The following TUBA4B variants were observed in gnomAD, a reference collection of about 807,000 sequenced individuals.
TUBA4B encodes tubulin-like protein alpha-4B.
A neutral mutation model predicts 18.4 loss-of-function variants in TUBA4B; 13 were observed. The observed-to-expected ratio is 0.71, with a 90% CI of 0.46 to 1.12. The LOEUF (loss-of-function observed/expected upper bound fraction) is 1.12. Among genes scored for constraint, TUBA4B ranks in the 50% most tolerant of loss-of-function variants. The probability of loss-of-function intolerance (pLI) is 0.00; values close to 1 mark genes in which losing one functional copy is unlikely to be tolerated. For synonymous variants in TUBA4B, 101 were observed against 99.1 expected, an observed-to-expected ratio of 1.02 and a Z score of -0.11; for missense variants, 244 against 250.0, an observed-to-expected ratio of 0.98 and a Z score of 0.16.
In TUBA4B at chr2:219,257,338, GC is replaced by G. The variant is rs1258621895; in HGVS notation, c.12+3921del. ...CTACAGGTGTGAGCCACTGCGCCCA[GC>G]CTTTTTTTTTTTTTTTTTTTTTGAG... On this transcript the variant is annotated intron_variant, in intron 1 of 3. Transcript: ENST00000490341. Among the ~76,000 whole-genome samples, 38 of 112,392 alleles carry G rather than the reference GC, an allele frequency of 3.4e-4. 1 individual carries two copies. Among genetic ancestry groups the G allele is most frequent in the African/African-American group, 1.3e-3 (38 of 29,692 alleles). 73.7% of individuals were successfully genotyped at this position (112,392 alleles called of 152,430 possible). A position where few individuals can be genotyped will look rare whatever the true frequency, so the allele number is the denominator to read the frequency against.
chr2:219,271,548 C>T lies in TUBA4B; in HGVS notation c.575C>T (p.Thr192Ile). Residue 192 changes from threonine (T) to isoleucine (I), a missense_variant, in exon 4 of 4, where the codon ACA (threonine) becomes ATA (isoleucine). Coordinates refer to ENST00000490341, the MANE Select transcript of TUBA4B (RefSeq NM_001355221.1). Reference protein sequence around the residue: ...RFDGALNVDLTEFQTNLVSYL... With the variant: ...RFDGALNVDLIEFQTNLVSYL... ...GACGGGGCCCTCAATGTGGACCTGA[C>T]AGAGTTCCAGACCAACCTGGTGTCC... The T allele has an allele frequency of 1.9e-6, 3 of 1,614,206 alleles. No individual in the cohort carries two copies. Among genetic ancestry groups the T allele is most frequent in the Non-Finnish European group, 2.5e-6 (3 of 1,180,026 alleles).
At chr2:219,257,206 G>C (rs1951726366) in intron 1 of TUBA4B, among the ~76,000 whole-genome samples, 1 of 151,574 alleles carries the variant, frequency 6.6e-6, no homozygotes, top group Non-Finnish European at 1.5e-5. Context: ...ACCACTCCTG[G>C]CTAATTTTGT....
At chr2:219,253,964 G>A in intron 1 of TUBA4B, 3 of 1,061,302 alleles carry the variant, frequency 2.8e-6, no homozygotes, top group Non-Finnish European at 3.8e-6. Context: ...GGGGGGGCGG[G>A]GCCCGCGTTC....
intron 2 of TUBA4B, among the ~76,000 whole-genome samples, chr2:219,269,578 T>A (rs1434110659): frequency 1.3e-5 from 2 of 152,130 alleles, no homozygotes; most frequent in African/African-American, 4.8e-5. Flanking sequence ...TGTCCAGGCA[T>A]GATATGTTTC....
rs1951789441 is a variant in TUBA4B at position 219,266,365 on chromosome 2, C to T, written c.13-156C>T. On this transcript the variant is annotated intron_variant, in intron 1 of 3. Transcript: ENST00000490341. ...CCCCTGTTTGGGTGCAGGCCCAGAG[C>T]TTGCCTCGTACTCTGTGACCAAGTC... 9 of 593,338 alleles carry T rather than the reference C, an allele frequency of 1.5e-5. 1 individual carries two copies. In the South Asian group the frequency reaches 1.8e-4, roughly 12 times the overall value. The allele number at this position is 593,338 out of a possible 1,614,324, so 36.8% of individuals were successfully genotyped here.
chr2:219,271,607 C>T lies in TUBA4B; in HGVS notation c.634C>T (p.His212Tyr). The T allele has an allele frequency of 1.9e-6, 3 of 1,614,114 alleles. No homozygotes were observed. Among genetic ancestry groups the T allele is most frequent in the South Asian group, 1.1e-5 (1 of 91,080 alleles). Residue 212 changes from histidine (H) to tyrosine (Y), a missense_variant, in exon 4 of 4, where the codon CAC (histidine) becomes TAC (tyrosine). By Grantham distance (83) the His-to-Tyr change is moderately conservative (BLOSUM62 2). Coordinates refer to ENST00000490341, the MANE Select transcript of TUBA4B (RefSeq NM_001355221.1). ...LTSTSPWPPMHQSSLQKRYTT... is the reference protein window; with the variant it reads ...LTSTSPWPPMYQSSLQKRYTT... ...ATCCACTTCCCCCTGGCCACCTATG[C>T]ACCAGTCATCTCTGCAGAAAAGGTA... is the stretch of plus-strand genomic sequence containing the variant.
intron 1 of TUBA4B, among the ~76,000 whole-genome samples, chr2:219,256,766 T>A (rs1951722811): frequency 6.6e-6 from 1 of 152,010 alleles, no homozygotes; most frequent in Admixed American, 6.6e-5. Context: ...GGTGGGAGGA[T>A]CACTTGAGGT....
intron 1 of TUBA4B, among the ~76,000 whole-genome samples, chr2:219,257,340 CTT>C (rs768367065): frequency 2.4e-4 from 22 of 92,624 alleles, no homozygotes; most frequent in African/African-American, 7.1e-4. Flanking sequence ...TGCGCCCAGC[CTT>C]TTTTTTTTTT....
chr2:219,259,302 A>C (rs1392041963), intron 1 of TUBA4B, among the ~76,000 whole-genome samples: 1 of 149,030 alleles, frequency 6.7e-6, no homozygotes, highest in Non-Finnish European at 1.5e-5. Flanking sequence ...CTGGGCAATA[A>C]CAGCAAGACT....
chr2:219,258,742 C>G (rs1272952708), intron 1 of TUBA4B, among the ~76,000 whole-genome samples: 1 of 152,036 alleles, frequency 6.6e-6, no homozygotes, highest in South Asian at 2.1e-4. Context: ...GAAAATAATA[C>G]GACAACAATA....
chr2:219,253,521 T>C, intron 1 of TUBA4B, 102 bp downstream of exon 1: 1 of 1,028,000 alleles, frequency 9.7e-7, no homozygotes, highest in Non-Finnish European at 1.5e-6. Flanking sequence ...CGTCTTCTTT[T>C]GCCCGCGGAA....
At chr2:219,264,513 T>C (rs937179654) in intron 1 of TUBA4B, among the ~76,000 whole-genome samples, 74 of 150,282 alleles carry the variant, frequency 4.9e-4, no homozygotes, top group Non-Finnish European at 1.1e-3. Context: ...GCAATGATAG[T>C]AATATGCCAG....
intron 2 of TUBA4B, among the ~76,000 whole-genome samples, chr2:219,268,103 A>AT (rs1951801812): frequency 8.1e-6 from 1 of 124,148 alleles, no homozygotes; most frequent in African/African-American, 3.4e-5. Context: ...TCAACTCATT[A>AT]TCTTTTTTTT....
chr2:219,253,594 G>A (rs1042130099), intron 1 of TUBA4B, among the ~76,000 whole-genome samples, 175 bp downstream of exon 1: 5 of 152,158 alleles, frequency 3.3e-5, no homozygotes, highest in African/African-American at 1.2e-4. Context: ...TCGTAAGGCA[G>A]GAGCAGAGTG....
intron 1 of TUBA4B, 58 bp from the exon 2 acceptor site, chr2:219,266,463 G>A: frequency 1.5e-6 from 1 of 683,276 alleles, no homozygotes; most frequent in Non-Finnish European, 2.7e-6. Flanking sequence ...GTATAAGGAG[G>A]AGGCTGGCTG....
chr2:219,262,045 C>T (rs1264442342), intron 1 of TUBA4B, among the ~76,000 whole-genome samples: 4 of 152,264 alleles, frequency 2.6e-5, no homozygotes, highest in African/African-American at 4.8e-5. Context: ...GGTGTAGTGG[C>T]TCACGCCTGT....
chr2:219,256,242 A>G (rs1052690343), intron 1 of TUBA4B, among the ~76,000 whole-genome samples: 6 of 152,252 alleles, frequency 3.9e-5, no homozygotes, highest in Admixed American at 6.5e-5. Context: ...TATCAGATGA[A>G]TTTAGAGATG....
chr2:219,266,439 G>C (rs543066155), intron 1 of TUBA4B, 82 bp from the exon 2 acceptor site: 2 of 657,950 alleles, frequency 3.0e-6, no homozygotes, highest in East Asian at 2.7e-5. Flanking sequence ...CACCTGCTGA[G>C]AGCCACCCAG....
intron 2 of TUBA4B, among the ~76,000 whole-genome samples, chr2:219,269,731 C>T (rs552193598): frequency 1.9e-4 from 26 of 140,500 alleles, no homozygotes; most frequent in African/African-American, 6.7e-4. Context: ...TGGGCAGATG[C>T]CCAGTGACAA....
Sources: gnomAD v4.1 joint callset for allele counts (sites outside exome capture counted in the v4.1 genomes callset) on GRCh38, gnomAD v4.1.1 for gene constraint, MANE v1.5 for transcripts, NCBI Gene and HGNC (gene_info 2026-07-23, HGNC 2026-07-21) for gene names.